Variants in FAM135B observed in about 807,000 individuals in gnomAD.
FAM135B encodes family with sequence similarity 135 member B.
In FAM135B, 43 loss-of-function variants were observed where a neutral mutation model predicts 127.7. The observed-to-expected ratio is 0.34, with a 90% CI of 0.26 to 0.43. The LOEUF (loss-of-function observed/expected upper bound fraction) is 0.43, where lower values mean the gene tolerates loss of function less well. Ranked by LOEUF, FAM135B falls within the 20% of genes least tolerant of loss-of-function variation. The pLI, the probability that FAM135B is intolerant of heterozygous loss-of-function variation, is 1.00. For synonymous variants in FAM135B, 670 were observed against 665.1 expected, an observed-to-expected ratio of 1.01 and a Z score of -0.11; for missense variants, 1,558 against 1,725.6, an observed-to-expected ratio of 0.90 and a Z score of 1.72.
chr8:138,474,267 C>T (rs1394543499), intron 1 of FAM135B, among the ~76,000 whole-genome samples: 1 of 152,108 alleles, frequency 6.6e-6, no homozygotes. Flanking sequence ...AGACAGACCC[C>T]CACGAACATT....
intron 1 of FAM135B, among the ~76,000 whole-genome samples, chr8:138,409,649 G>A (rs910115603): frequency 1.3e-5 from 2 of 152,068 alleles, no homozygotes; most frequent in African/African-American, 2.4e-5. Context: ...GCCGAGGTGG[G>A]TGGATCATGA....
chr8:138,353,105 A>C (rs1282242898), intron 2 of FAM135B, among the ~76,000 whole-genome samples: 4 of 151,846 alleles, frequency 2.6e-5, no homozygotes, highest in Non-Finnish European at 4.4e-5. Context: ...AACATTCCAC[A>C]CTCACACCTT....
intron 2 of FAM135B, among the ~76,000 whole-genome samples, chr8:138,320,974 AAC>A (rs1827413508): frequency 6.6e-6 from 1 of 152,224 alleles, no homozygotes; most frequent in African/African-American, 2.4e-5. Context: ...TATAGCATGA[AAC>A]AACCGCTCTG....
At chr8:138,491,109 C>T (rs2131697107) in intron 1 of FAM135B, among the ~76,000 whole-genome samples, 1 of 148,842 alleles carries the variant, frequency 6.7e-6, no homozygotes, top group South Asian at 2.1e-4. Flanking sequence ...CCATTGCACT[C>T]CCAGCCTAGG....
chr8:138,159,108 T>C (rs1187116013), intron 12 of FAM135B, among the ~76,000 whole-genome samples: 1 of 147,836 alleles, frequency 6.8e-6, no homozygotes, highest in East Asian at 2.0e-4. Flanking sequence ...CCGTCTCTAC[T>C]AAAAATACAA....
At chr8:138,372,047 G>A (rs1282141606) in intron 1 of FAM135B, among the ~76,000 whole-genome samples, 1 of 152,234 alleles carries the variant, frequency 6.6e-6, no homozygotes, top group Non-Finnish European at 1.5e-5. Flanking sequence ...GGGGGGACCT[G>A]GGTCTTTGGC....
At chr8:138,284,225 T>C (rs1356588383) in intron 3 of FAM135B, among the ~76,000 whole-genome samples, 2 of 152,116 alleles carry the variant, frequency 1.3e-5, no homozygotes, top group Admixed American at 6.5e-5. Context: ...TCTCTCACTT[T>C]CCATGTGTAA....
At chr8:138,344,573 C>CTT (rs869311243) in intron 2 of FAM135B, among the ~76,000 whole-genome samples, 11 of 113,610 alleles carry the variant, frequency 9.7e-5, no homozygotes, top group East Asian at 7.1e-4. Context: ...CACTTTCTTT[C>CTT]TTTCTTTTTT....
At chr8:138,170,490 G>A (rs933319460) in intron 11 of FAM135B, among the ~76,000 whole-genome samples, 25 of 152,234 alleles carry the variant, frequency 1.6e-4, no homozygotes, top group African/African-American at 5.8e-4. Context: ...CCAAACTACT[G>A]GGATTACAGG....
intron 11 of FAM135B, among the ~76,000 whole-genome samples, chr8:138,174,685 G>A (rs1347651352): frequency 6.6e-6 from 1 of 152,086 alleles, no homozygotes; most frequent in Non-Finnish European, 1.5e-5. Flanking sequence ...GTCACTCAGA[G>A]GATAAACATT....
chr8:138,307,994 C>T (rs1425092693), intron 3 of FAM135B, among the ~76,000 whole-genome samples: 4 of 152,154 alleles, frequency 2.6e-5, no homozygotes, highest in Non-Finnish European at 4.4e-5. Flanking sequence ...TTCCTCCCAT[C>T]ACTGTACATG....
At chr8:138,143,229 T>A (rs902362134) in intron 15 of FAM135B, 120 bp from the exon 16 acceptor site, 2 of 629,254 alleles carry the variant, frequency 3.2e-6, no homozygotes, top group South Asian at 1.9e-5. Flanking sequence ...CTACCTCTGA[T>A]GTTACGGCTA....
intron 1 of FAM135B, chr8:138,437,576 AT>A (rs1251958915): frequency 6.6e-6 from 1 of 151,988 alleles, no homozygotes; most frequent in Non-Finnish European, 1.5e-5. Flanking sequence ...AATTAAACTT[AT>A]TTTCTTTATA....
At chr8:138,302,056 G>T (rs1411666106) in intron 3 of FAM135B, among the ~76,000 whole-genome samples, 1 of 152,174 alleles carries the variant, frequency 6.6e-6, no homozygotes, top group Non-Finnish European at 1.5e-5. Flanking sequence ...AATAGCCAGT[G>T]TTGATGAGGG....
chr8:138,369,503 GA>G (rs1213969142), intron 1 of FAM135B, among the ~76,000 whole-genome samples: 1 of 152,190 alleles, frequency 6.6e-6, no homozygotes, highest in Non-Finnish European at 1.5e-5. Context: ...TAGAGATTCA[GA>G]AGGCTGCATA....
chr8:138,147,062 T>A (rs1196155189), intron 14 of FAM135B, among the ~76,000 whole-genome samples: 1 of 152,192 alleles, frequency 6.6e-6, no homozygotes, highest in Non-Finnish European at 1.5e-5. Context: ...GATATGCCCA[T>A]ACGCCCCCTA....
At chr8:138,306,547 C>A (rs578116077) in intron 3 of FAM135B, among the ~76,000 whole-genome samples, 1 of 150,304 alleles carries the variant, frequency 6.7e-6, no homozygotes, top group Non-Finnish European at 1.5e-5. Context: ...CACAGGAATG[C>A]AGCAATAATA....
intron 2 of FAM135B, among the ~76,000 whole-genome samples, chr8:138,321,219 T>C (rs1056749036): frequency 6.6e-6 from 1 of 152,182 alleles, no homozygotes; most frequent in Non-Finnish European, 1.5e-5. Context: ...AGCATGGGCA[T>C]GGCATGATGC....
chr8:138,204,319 C>G (rs1817390320), intron 7 of FAM135B, among the ~76,000 whole-genome samples: 1 of 152,230 alleles, frequency 6.6e-6, no homozygotes, highest in Admixed American at 6.5e-5. Flanking sequence ...GTGACTTTCT[C>G]CAATCATCCC....
Sources: gnomAD v4.1 joint callset for allele counts (sites outside exome capture counted in the v4.1 genomes callset) on GRCh38, gnomAD v4.1.1 for gene constraint, MANE v1.5 for transcripts, NCBI Gene and HGNC (gene_info 2026-07-23, HGNC 2026-07-21) for gene names.